SEZ6L2: variants seen among roughly 807,000 people sequenced by gnomAD.
SEZ6L2 encodes the protein seizure 6-like protein 2.
A neutral mutation model predicts 97.0 loss-of-function variants in SEZ6L2; 44 were observed. That is an observed-to-expected ratio of 0.45 (90% CI 0.36 to 0.58). The LOEUF is 0.58. SEZ6L2 is among the 20% of genes least tolerant of loss of function. SEZ6L2 has a pLI of 0.00. For missense variants in SEZ6L2, 1,086 were observed against 1,233.3 expected (o/e 0.88, Z 1.79); for synonymous variants, 543 against 546.1 (o/e 0.99, Z 0.08).
intron 1 of SEZ6L2, 76 bp from the exon 2 acceptor site, chr16:29,898,060 C>T: frequency 1.3e-6 from 2 of 1,587,636 alleles, no homozygotes; most frequent in Non-Finnish European, 1.7e-6. Context: ...TTCTAGAACT[C>T]TTCCTCCCTC....
intron 5 of SEZ6L2, among the ~76,000 whole-genome samples, chr16:29,894,624 T>C (rs2068340547): frequency 6.6e-6 from 1 of 152,172 alleles, no homozygotes; most frequent in African/African-American, 2.4e-5. Context: ...TCTTCCTACC[T>C]AGATTCTGAG....
At position 29,876,259 on chromosome 16, in the gene SEZ6L2, A is replaced by C. The variant is rs975370575; in HGVS notation, c.2104+497T>G. The stretch of plus-strand genomic sequence containing the variant: ...CCCAACCCAGCACGGGGCTTCAATG[A>C]TGGCATTCAAATAAACCAAGTGCTC... On this transcript the variant is annotated intron_variant, in intron 12 of 17. Coordinates refer to ENST00000617533, the MANE Select transcript of SEZ6L2 (RefSeq NM_001243332.2). This position sits in a 1 kb window ranked among gnomAD's most constrained non-coding sequence, Gnocchi z 6.5. Among the ~76,000 whole-genome samples the C allele has an allele frequency of 1.3e-5, 2 of 152,150 alleles. No individual in the cohort carries two copies. Among genetic ancestry groups the C allele is most frequent in the African/African-American group, 4.8e-5 (2 of 41,442 alleles).
rs1273454045 is a variant in SEZ6L2 at position 29,899,121 on chromosome 16, T to G, written c.-102A>C. The G allele has an allele frequency of 2.1e-5, 18 of 873,326 alleles. No individual in the cohort carries two copies. The highest frequency in any genetic ancestry group is 2.8e-5 in the Non-Finnish European group (16 of 576,004). 54.1% of individuals were successfully genotyped at this position (873,326 alleles called of 1,614,324 possible). On this transcript the variant is annotated 5_prime_UTR_variant, in exon 1 of 18. Transcript: ENST00000617533. Reference sequence around the variant, plus strand: ...CTTTCCCTTTAATTGTTTTTTTTTTTTTTTTTTTTTTCCTCGTAGGAGTCA... The same window carrying G: ...CTTTCCCTTTAATTGTTTTTTTTTTGTTTTTTTTTTTCCTCGTAGGAGTCA...
At chr16:29,895,006 C>T (rs997595652) in intron 5 of SEZ6L2, among the ~76,000 whole-genome samples, 7 of 151,904 alleles carry the variant, frequency 4.6e-5, no homozygotes, top group Non-Finnish European at 1.0e-4. Flanking sequence ...GGTGAAATCC[C>T]ATCTCTACTA....
At chr16:29,885,916 A>C in intron 7 of SEZ6L2, 167 bp from the exon 8 acceptor site, 1 of 582,200 alleles carries the variant, frequency 1.7e-6, no homozygotes, top group Non-Finnish European at 2.8e-6. Context: ...TTTCACAAGA[A>C]CTCTTGAGTC....
In SEZ6L2 at chr16:29,899,059, G is replaced by T; in HGVS notation, c.-40C>A. 5.2e-6 allele frequency: 7 copies of T among 1,358,294 alleles called. No individual in the cohort carries two copies. The highest frequency in any genetic ancestry group is 7.2e-6 in the Non-Finnish European group (7 of 969,420). 84.1% of individuals were successfully genotyped at this position (1,358,294 alleles called of 1,614,324 possible). A position where few individuals can be genotyped will look rare whatever the true frequency, so the allele number is the denominator to read the frequency against. ...ATCTCTCTCCTCTGTGCCTCTCTAA[G>T]TAATCTGGCTGCCACCTTTCCTCCG... On this transcript the variant is annotated 5_prime_UTR_variant, in exon 1 of 18. Transcript: ENST00000617533.
At position 29,887,829 on chromosome 16, in the gene SEZ6L2, G is replaced by T. The variant is rs749857351; in HGVS notation, c.1040-12C>A. 3.6e-5 allele frequency: 58 copies of T among 1,613,298 alleles called. No homozygotes were observed. The highest frequency in any genetic ancestry group is 4.7e-5 in the Non-Finnish European group (55 of 1,179,826). On this transcript the variant is annotated splice_polypyrimidine_tract_variant and intron_variant, in intron 6 of 17. Coordinates refer to ENST00000617533, the MANE Select transcript of SEZ6L2 (RefSeq NM_001243332.2). ...GCCACCACAGGATGCTGTGGGCAGA[G>T]GAGGGGTACGTTAAGGCCAGCCTGA...
chr16:29,888,339 C>G (rs1404462559), intron 6 of SEZ6L2, among the ~76,000 whole-genome samples: 3 of 152,128 alleles, frequency 2.0e-5, no homozygotes, highest in Non-Finnish European at 4.4e-5. Context: ...TGGAGACCAC[C>G]CAAGGATGGA....
rs1366195989 is a variant in SEZ6L2 at position 29,884,314 on chromosome 16, G to A, written c.1372+1272C>T. On this transcript the variant is annotated intron_variant, in intron 8 of 17. Coordinates refer to ENST00000617533, the MANE Select transcript of SEZ6L2 (RefSeq NM_001243332.2). ...GGTTACTCGGTTGGTGGTATGGGCT[G>A]GAGGAGGTGGCTTACACCTGTAATC... Among the ~76,000 whole-genome samples the A allele has an allele frequency of 2.0e-5, 3 of 152,260 alleles. No individual in the cohort carries two copies. In the East Asian group the frequency reaches 5.8e-4, roughly 30 times the overall value.
At chr16:29,888,514 C>T in intron 6 of SEZ6L2, 26 bp downstream of exon 6, 1 of 1,608,244 alleles carries the variant, frequency 6.2e-7, no homozygotes. Flanking sequence ...GAACAGATGC[C>T]CCACCCACTG....
At chr16:29,897,241 G>A in intron 2 of SEZ6L2, 120 bp from the exon 3 acceptor site, 2 of 881,850 alleles carry the variant, frequency 2.3e-6, no homozygotes, top group South Asian at 1.8e-5. Flanking sequence ...CCCGCACAAG[G>A]TACAGCACCC....
At chr16:29,887,544 C>T in intron 7 of SEZ6L2, 105 bp downstream of exon 7, 1 of 1,047,296 alleles carries the variant, frequency 9.5e-7, no homozygotes, top group Non-Finnish European at 1.4e-6. Flanking sequence ...GATCTCCTGA[C>T]CTTGTGATCC....
Position 29,899,357 on chromosome 16 carries a change from C to T in SEZ6L2, c.-338G>A. 3.0e-6 allele frequency: 1 copy of T among 329,838 alleles called. No homozygotes were observed. The highest frequency in any genetic ancestry group is 2.7e-5 in the South Asian group (1 of 36,664). 20.4% of individuals were successfully genotyped at this position (329,838 alleles called of 1,614,324 possible). A position where few individuals can be genotyped will look rare whatever the true frequency, so the allele number is the denominator to read the frequency against. Reference sequence around the variant, plus strand: ...TACCCTCCTGCTCAGGCGCCTGGGTCCACTGGGCTGTCTGGACCCCAAGCT... The same window carrying T: ...TACCCTCCTGCTCAGGCGCCTGGGTTCACTGGGCTGTCTGGACCCCAAGCT... On this transcript the variant is annotated 5_prime_UTR_variant, in exon 1 of 18. Transcript: ENST00000617533.
intron 5 of SEZ6L2, among the ~76,000 whole-genome samples, chr16:29,890,219 T>C (rs77605759): frequency 6.6e-6 from 1 of 152,192 alleles, no homozygotes; most frequent in East Asian, 1.9e-4. Context: ...AAAGACAAAA[T>C]AGTCTTTAAA....
intron 2 of SEZ6L2, among the ~76,000 whole-genome samples, chr16:29,897,487 G>C (rs2068430432): frequency 6.6e-6 from 1 of 151,566 alleles, no homozygotes; most frequent in Admixed American, 6.6e-5. Flanking sequence ...TCCCTGTTTA[G>C]TATTCTGATT....
Position 29,888,682 on chromosome 16 carries a change from C to T in SEZ6L2, c.897G>A (p.Gly299=). ...SCGFPPRPAH[G]DVSVTDLHPG... is the part of the protein sequence containing the mutation. ...GGTGCAGGTCCGTCACACTCACGTCCCCATGGGCCGGCCGGGGAGGGAAGC... is the reference window on the plus strand; with the variant it reads ...GGTGCAGGTCCGTCACACTCACGTCTCCATGGGCCGGCCGGGGAGGGAAGC... Residue 299 remains glycine, a synonymous_variant, in exon 6 of 18, where the codon GGG becomes GGA. Coordinates refer to ENST00000617533, the MANE Select transcript of SEZ6L2 (RefSeq NM_001243332.2). The T allele has an allele frequency of 3.1e-6, 5 of 1,613,826 alleles. No homozygotes were observed. The highest frequency in any genetic ancestry group is 3.4e-6 in the Non-Finnish European group (4 of 1,179,858).
Position 29,897,113 on chromosome 16 carries a change from G to A in SEZ6L2, c.220C>T (p.Arg74Trp), listed in dbSNP as rs1357427767. Residue 74 changes from arginine (R) to tryptophan (W), a missense_variant, in exon 3 of 18, where the codon CGG becomes TGG. Arg to Trp is a moderately radical substitution (Grantham distance 101, BLOSUM62 -3). Around this residue, in one of 2 missense-constraint regions of SEZ6L2, gnomAD observed 776 missense variants for 794.7 expected, o/e 0.98. Transcript: ENST00000617533. ...PEMGYLPGSD[R>W]DPTLATPPAG... ...GGAGGGGTGGCTAGCGTGGGGTCCCGATCAGATCCTGGGACAGTGCAGGGA... is the reference window on the plus strand; with the variant it reads ...GGAGGGGTGGCTAGCGTGGGGTCCCAATCAGATCCTGGGACAGTGCAGGGA... The A allele has an allele frequency of 3.8e-6, 6 of 1,564,700 alleles. No individual in the cohort carries two copies. Among genetic ancestry groups the A allele is most frequent in the East Asian group, 4.5e-5 (2 of 44,020 alleles).
At chr16:29,896,617 A>G (rs955025948) in intron 3 of SEZ6L2, among the ~76,000 whole-genome samples, 1 of 151,958 alleles carries the variant, frequency 6.6e-6, no homozygotes, top group Non-Finnish European at 1.5e-5. Flanking sequence ...CTGAGCCAGA[A>G]CTCCCTTTCC....
intron 5 of SEZ6L2, among the ~76,000 whole-genome samples, chr16:29,890,734 A>T (rs1038357680): frequency 2.1e-5 from 3 of 143,686 alleles, no homozygotes; most frequent in Non-Finnish European, 4.5e-5. Flanking sequence ...TCATCACATT[A>T]ACCATTGTCT....
Sources: gnomAD v4.1 joint callset for allele counts (sites outside exome capture counted in the v4.1 genomes callset) on GRCh38, gnomAD v4.1.1 for gene constraint, gnomAD v4.1.1 regional missense constraint, Gnocchi (gnomAD v3.1) non-coding constraint, MANE v1.5 for transcripts, NCBI Gene and HGNC (gene_info 2026-07-23, HGNC 2026-07-21) for gene names.